The following DTNBP1 variants were observed in gnomAD, a reference collection of about 807,000 sequenced individuals.
The protein encoded by DTNBP1 is dystrobrevin binding protein 1.
Under a neutral mutation model 42.8 loss-of-function variants are expected in DTNBP1, and 35 were observed. That is an observed-to-expected ratio of 0.82 (90% CI 0.63 to 1.09). The LOEUF (loss-of-function observed/expected upper bound fraction) is 1.09, where lower values mean the gene tolerates loss of function less well. DTNBP1 is among the 50% of genes least tolerant of loss of function. DTNBP1 has a pLI of 0.00. For missense variants in DTNBP1, 457 were observed against 424.2 expected, an observed-to-expected ratio of 1.08 and a Z score of -0.68; for synonymous variants, 171 against 162.2, an observed-to-expected ratio of 1.05 and a Z score of -0.41.
chr6:15,541,527 A>G (rs1323431971), intron 7 of DTNBP1, among the ~76,000 whole-genome samples: 3 of 152,224 alleles, frequency 2.0e-5, no homozygotes, highest in African/African-American at 7.2e-5. Context: ...ACTTCAGATT[A>G]AAAGAAAAAA....
At chr6:15,609,168 C>G (rs910176101) in intron 6 of DTNBP1, among the ~76,000 whole-genome samples, 1 of 142,872 alleles carries the variant, frequency 7.0e-6, no homozygotes, top group South Asian at 2.2e-4. Context: ...TTGCTACCTT[C>G]TTTTTTTTTT....
At chr6:15,605,339 T>C (rs914468099) in intron 6 of DTNBP1, among the ~76,000 whole-genome samples, 1 of 152,170 alleles carries the variant, frequency 6.6e-6, no homozygotes, top group African/African-American at 2.4e-5. Flanking sequence ...ACGTACCTAC[T>C]GTTCATGACT....
intron 7 of DTNBP1, among the ~76,000 whole-genome samples, chr6:15,583,800 C>T (rs1057139805): frequency 4.6e-5 from 7 of 152,150 alleles, no homozygotes; most frequent in African/African-American, 1.7e-4. Flanking sequence ...AATTATTGAT[C>T]ATACAATGGT....
intron 1 of DTNBP1, chr6:15,660,590 C>T (rs1761549879): frequency 7.9e-7 from 1 of 1,272,096 alleles, no homozygotes; most frequent in Non-Finnish European, 1.0e-6. Flanking sequence ...AAAATGGCCC[C>T]AGACTACGGC....
At chr6:15,542,460 C>T (rs1489238920) in intron 7 of DTNBP1, among the ~76,000 whole-genome samples, 2 of 152,102 alleles carry the variant, frequency 1.3e-5, no homozygotes, top group Non-Finnish European at 2.9e-5. Context: ...CAATCTCGGC[C>T]TCCCTGGTTC....
chr6:15,638,887 G>A (rs1760181087), intron 3 of DTNBP1, among the ~76,000 whole-genome samples: 1 of 150,320 alleles, frequency 6.7e-6, no homozygotes, highest in African/African-American at 2.5e-5. Flanking sequence ...ACGCGGGCTG[G>A]AGTGGTGTGA....
chr6:15,623,758 C>A (rs1487131112), intron 5 of DTNBP1, among the ~76,000 whole-genome samples: 1 of 152,182 alleles, frequency 6.6e-6, no homozygotes, highest in Non-Finnish European at 1.5e-5. Flanking sequence ...ACTTTTCAAA[C>A]ATATTTTTCC....
At chr6:15,544,478 A>G (rs895720358) in intron 7 of DTNBP1, among the ~76,000 whole-genome samples, 18 of 152,252 alleles carry the variant, frequency 1.2e-4, no homozygotes, top group African/African-American at 4.1e-4. Flanking sequence ...TTTGAAAGGA[A>G]CTGCCAAACT....
chr6:15,534,441 A>G (rs1307507893), intron 7 of DTNBP1, among the ~76,000 whole-genome samples: 1 of 152,078 alleles, frequency 6.6e-6, no homozygotes, highest in East Asian at 1.9e-4. Flanking sequence ...CACCTGAGGT[A>G]AGGAGTTCGA....
In DTNBP1 at chr6:15,627,438, C is replaced by T; in HGVS notation, c.260G>A (p.Trp87Ter). 6.2e-7 allele frequency: 1 copy of T among 1,613,996 alleles called. No individual in the cohort carries two copies. Among genetic ancestry groups the T allele is most frequent in the South Asian group, 1.1e-5 (1 of 91,080 alleles). Residue 87 changes from tryptophan to a stop codon, truncating the protein, a stop_gained, in exon 5 of 10, where the codon TGG (tryptophan) becomes TAG (stop). Coordinates refer to ENST00000344537, the MANE Select transcript of DTNBP1 (RefSeq NM_032122.5). LOFTEE classifies it high-confidence loss of function. The stretch of plus-strand genomic sequence containing the variant: ...CACGAGGCTTGTCTTTTTCTTCTCC[C>T]AGTGCGCAGAAAGCATGACCACCTC... The part of the protein sequence containing the change: ...DSEVVMLSAH[W>*]EKKKTSLVEL...
At chr6:15,631,341 G>T (rs1315917371) in intron 4 of DTNBP1, among the ~76,000 whole-genome samples, 2 of 152,094 alleles carry the variant, frequency 1.3e-5, no homozygotes, top group Non-Finnish European at 2.9e-5. Context: ...AAAAATTTAA[G>T]ATCCTGAGGT....
At chr6:15,572,725 C>T (rs1775389658) in intron 7 of DTNBP1, among the ~76,000 whole-genome samples, 2 of 152,096 alleles carry the variant, frequency 1.3e-5, no homozygotes, top group South Asian at 4.1e-4. Context: ...GCTCTAGATT[C>T]CATGTTCTTC....
intron 4 of DTNBP1, among the ~76,000 whole-genome samples, chr6:15,630,746 T>C (rs1255285262): frequency 6.6e-6 from 1 of 152,080 alleles, no homozygotes; most frequent in Non-Finnish European, 1.5e-5. Context: ...TGAAACTCCA[T>C]CTCTACTAAA....
rs749538581 is a variant in DTNBP1 at position 15,523,247 on chromosome 6, C to T, written c.812-28G>A. ...GCAAAATAACGTAGGGAAGAAAAAGCCCTGTCATAAAAATATTGTGAATCA... is the reference window on the plus strand; with the variant it reads ...GCAAAATAACGTAGGGAAGAAAAAGTCCTGTCATAAAAATATTGTGAATCA... On this transcript the variant is annotated intron_variant, in intron 9 of 9. Coordinates refer to ENST00000344537, the MANE Select transcript of DTNBP1 (RefSeq NM_032122.5). 3 of 1,613,312 alleles carry T rather than the reference C, an allele frequency of 1.9e-6. No homozygotes were observed. The Admixed American group carries it at 5.0e-5, about 27-fold the overall frequency.
At chr6:15,538,449 G>GA (rs1773370357) in intron 7 of DTNBP1, among the ~76,000 whole-genome samples, 1 of 152,194 alleles carries the variant, frequency 6.6e-6, no homozygotes, top group South Asian at 2.1e-4. Flanking sequence ...AGTGCCTCCA[G>GA]AAAACAACGC....
intron 4 of DTNBP1, among the ~76,000 whole-genome samples, chr6:15,634,813 CA>C (rs1759912838): frequency 6.6e-6 from 1 of 152,180 alleles, no homozygotes; most frequent in Admixed American, 6.5e-5. Flanking sequence ...TTTAACCCCA[CA>C]AATTAGATAA....
At chr6:15,625,765 G>A (rs1759304912) in intron 5 of DTNBP1, among the ~76,000 whole-genome samples, 1 of 152,196 alleles carries the variant, frequency 6.6e-6, no homozygotes, top group South Asian at 2.1e-4. Flanking sequence ...AAGAGAACAT[G>A]TCTGCAAAGA....
intron 1 of DTNBP1, among the ~76,000 whole-genome samples, chr6:15,656,453 T>C (rs946769458): frequency 3.9e-5 from 6 of 152,220 alleles, no homozygotes. Context: ...CATATTTATG[T>C]CTTTGAGCTT....
rs558028721 is a variant in DTNBP1, at chr6:15,524,764, C to G, written c.668-95G>C. ...GCATTAGGCTAACTACATTGCATTT[C>G]CTAAGCTTCCTTCAAAATGGAATTT... On this transcript the variant is annotated intron_variant, in intron 8 of 9. Coordinates refer to ENST00000344537, the MANE Select transcript of DTNBP1 (RefSeq NM_032122.5). The G allele has an allele frequency of 4.3e-5, 67 of 1,543,946 alleles. No homozygotes were observed. In the South Asian group the frequency reaches 7.1e-4, roughly 16 times the overall value.
Sources: allele counts gnomAD v4.1 joint callset (sites outside exome capture counted in the v4.1 genomes callset), GRCh38; gene constraint gnomAD v4.1.1; transcripts MANE v1.5; gene names NCBI Gene and HGNC (gene_info 2026-07-23, HGNC 2026-07-21).